The following CDH4 variants were observed in gnomAD, a reference collection of about 807,000 sequenced individuals.
CDH4 encodes cadherin-4.
A neutral mutation model predicts 86.0 loss-of-function variants in CDH4; 33 were observed. The ratio of observed to expected loss-of-function variants is 0.38; its 90% CI spans 0.29 to 0.51. The LOEUF (loss-of-function observed/expected upper bound fraction) is 0.51, where lower values mean the gene tolerates loss of function less well. Among genes scored for constraint, CDH4 ranks in the 20% least tolerant of loss-of-function variants. The probability of loss-of-function intolerance (pLI) is 0.86; values close to 1 mark genes in which losing one functional copy is unlikely to be tolerated. For missense variants in CDH4, 1,114 were observed against 1,307.4 expected, an observed-to-expected ratio of 0.85 and a Z score of 2.28; for synonymous variants, 555 against 549.4, an observed-to-expected ratio of 1.01 and a Z score of -0.14.
chr20:61,656,361 G>A (rs1246846898), intron 2 of CDH4, among the ~76,000 whole-genome samples: 1 of 150,340 alleles, frequency 6.7e-6, no homozygotes, highest in Non-Finnish European at 1.5e-5. Context: ...GCTGAAGTGG[G>A]CAGGCGCGTG....
Position 61,928,218 on chromosome 20 carries a change from C to T in CDH4, c.1800C>T (p.Thr600=). 3 of 1,603,064 alleles carry T rather than the reference C, an allele frequency of 1.9e-6. No homozygotes were observed. Among genetic ancestry groups the T allele is most frequent in the Non-Finnish European group, 2.5e-6 (3 of 1,179,864 alleles). ...TACCCCCGGCCAGCGGCACCGGGAC[C>T]CTCCAGATCTATCTCATTGACATCA... ...NGIPPASGTG[T]LQIYLIDIND... The change falls in exon 12 of 16, where the codon ACC becomes ACT. Residue 600 remains threonine, a synonymous_variant. Coordinates refer to ENST00000614565, the MANE Select transcript of CDH4 (RefSeq NM_001794.5).
chr20:61,578,057 G>A (rs2086397278), intron 2 of CDH4, among the ~76,000 whole-genome samples: 2 of 152,110 alleles, frequency 1.3e-5, no homozygotes, highest in Non-Finnish European at 2.9e-5. Context: ...GCCCCTCCTT[G>A]GCAAATCTCT....
At chr20:61,409,327 C>T (rs1415520161) in intron 2 of CDH4, among the ~76,000 whole-genome samples, 2 of 152,232 alleles carry the variant, frequency 1.3e-5, no homozygotes, top group Non-Finnish European at 2.9e-5. Flanking sequence ...TAACTTCAGA[C>T]TCAGCATCAA....
At chr20:61,820,674 TG>T (rs1980972326) in intron 4 of CDH4, among the ~76,000 whole-genome samples, 1 of 152,178 alleles carries the variant, frequency 6.6e-6, no homozygotes, top group South Asian at 2.1e-4. Flanking sequence ...CTTGTGTTCT[TG>T]CCCTCGCAGC....
chr20:61,688,065 G>A lies in CDH4; in HGVS notation c.170-55498G>A, dbSNP rs541257931. Among the ~76,000 whole-genome samples the A allele has an allele frequency of 9.2e-5, 14 of 152,230 alleles. No individual in the cohort carries two copies. In the South Asian group the frequency reaches 2.1e-3, roughly 23 times the overall value. ...CTAGGCTGGAGGAAGCTGGCCCAGT[G>A]GGGTGGACAGGATCACAGGACCCCG... On this transcript the variant is annotated intron_variant, in intron 2 of 15. Coordinates refer to ENST00000614565, the MANE Select transcript of CDH4 (RefSeq NM_001794.5).
Position 61,417,987 on chromosome 20 carries a change from G to GAGA in CDH4, c.169+163053_169+163055dup, listed in dbSNP as rs1200522366. 1.3e-5 allele frequency among the ~76,000 whole-genome samples: 2 copies of GAGA among 152,012 alleles called. No individual in the cohort carries two copies. Among genetic ancestry groups the GAGA allele is most frequent in the East Asian group, 3.9e-4 (2 of 5,136 alleles). On this transcript the variant is annotated intron_variant, in intron 2 of 15. Transcript: ENST00000614565. The surrounding 1 kb of genome is among the most constrained non-coding windows in gnomAD (Gnocchi z 4.0). ...AGGGGGATGCTGCATTCGAGGCACA[G>GAGA]AGAAGCCACCTGCTTCCTTAGACAG...
intron 2 of CDH4, among the ~76,000 whole-genome samples, chr20:61,677,095 C>T (rs927353001): frequency 3.9e-5 from 6 of 152,314 alleles, no homozygotes; most frequent in Middle Eastern, 3.4e-3. Flanking sequence ...CCTTTTACTC[C>T]GCATGCGGTA....
intron 4 of CDH4, among the ~76,000 whole-genome samples, chr20:61,812,994 C>T (rs376172694): frequency 1.3e-5 from 2 of 152,308 alleles, no homozygotes; most frequent in Admixed American, 6.5e-5. Context: ...GGCGCCCTGC[C>T]GAGGCTCTCC....
chr20:61,704,727 T>C (rs1364296396), intron 2 of CDH4, among the ~76,000 whole-genome samples: 1 of 152,164 alleles, frequency 6.6e-6, no homozygotes, highest in Admixed American at 6.5e-5. Context: ...TCAGCCGGGA[T>C]GTCTGAGTCT....
chr20:61,499,376 C>T, intron 2 of CDH4: 1 of 1,098,474 alleles, frequency 9.1e-7, no homozygotes, highest in East Asian at 5.8e-5. Context: ...CTTGCTCTGC[C>T]CTGTTAAAGG....
chr20:61,291,051 C>T (rs1489169991), intron 2 of CDH4, among the ~76,000 whole-genome samples: 1 of 152,092 alleles, frequency 6.6e-6, no homozygotes, highest in Non-Finnish European at 1.5e-5. Flanking sequence ...CTGTGTGTCC[C>T]CCAACCCCTG....
intron 8 of CDH4, among the ~76,000 whole-genome samples, chr20:61,906,466 C>A (rs1207172905): frequency 6.6e-6 from 1 of 152,276 alleles, no homozygotes. Flanking sequence ...GCTCAACCCT[C>A]CCACAGAGGC....
At chr20:61,685,373 C>A (rs1319784632) in intron 2 of CDH4, among the ~76,000 whole-genome samples, 2 of 152,224 alleles carry the variant, frequency 1.3e-5, no homozygotes, top group East Asian at 3.8e-4. Context: ...GGGTGACTGC[C>A]CCTCCCCACA....
At chr20:61,672,743 G>C (rs1436384652) in intron 2 of CDH4, among the ~76,000 whole-genome samples, 1 of 152,158 alleles carries the variant, frequency 6.6e-6, no homozygotes, top group African/African-American at 2.4e-5. Flanking sequence ...TCTTCACTGG[G>C]AGGGGTGGGA....
At chr20:61,484,956 G>A (rs988530507) in intron 2 of CDH4, among the ~76,000 whole-genome samples, 4 of 152,204 alleles carry the variant, frequency 2.6e-5, no homozygotes, top group African/African-American at 9.6e-5. Context: ...TTCTCCTGGG[G>A]CTAGGAAGAA....
At chr20:61,357,361 G>A (rs1336483498) in intron 2 of CDH4, among the ~76,000 whole-genome samples, 4 of 151,548 alleles carry the variant, frequency 2.6e-5, no homozygotes, top group Admixed American at 1.3e-4. Flanking sequence ...TCACCCTGCC[G>A]TGTTGCAGCC....
At chr20:61,491,303 G>T (rs1051740022) in intron 2 of CDH4, among the ~76,000 whole-genome samples, 1 of 152,196 alleles carries the variant, frequency 6.6e-6, no homozygotes, top group East Asian at 1.9e-4. Flanking sequence ...ACTTGGTTGG[G>T]CTGTAATCTT....
intron 4 of CDH4, among the ~76,000 whole-genome samples, chr20:61,777,703 AACAC>A (rs1023171230): frequency 7.8e-5 from 11 of 141,480 alleles, no homozygotes; most frequent in East Asian, 2.1e-4. Context: ...TGCATACAAA[AACAC>A]ACACCCACAT....
At position 61,364,051 on chromosome 20, in the gene CDH4, C is replaced by T. The variant is rs534448472; in HGVS notation, c.169+109114C>T. Among the ~76,000 whole-genome samples the T allele has an allele frequency of 3.9e-5, 6 of 152,262 alleles. No individual in the cohort carries two copies. In the South Asian group the frequency reaches 8.3e-4, roughly 21 times the overall value. On this transcript the variant is annotated intron_variant, in intron 2 of 15. Coordinates refer to ENST00000614565, the MANE Select transcript of CDH4 (RefSeq NM_001794.5). ...GCTTGTGGCCAGCATTTCCATGTGT[C>T]GTTTAGACACTCACCATGCATTAAC...
Sources: allele counts gnomAD v4.1 joint callset (sites outside exome capture counted in the v4.1 genomes callset), GRCh38; gene constraint gnomAD v4.1.1; non-coding constraint Gnocchi (gnomAD v3.1); transcripts MANE v1.5; gene names NCBI Gene and HGNC (gene_info 2026-07-23, HGNC 2026-07-21).